Variants in GAP43 observed in about 807,000 individuals in gnomAD.
The protein encoded by GAP43 is neuromodulin.
GAP43 carries 6 observed loss-of-function variants against 18.6 expected under a neutral mutation model. That is an observed-to-expected ratio of 0.32 (90% CI 0.18 to 0.64). GAP43 has a LOEUF of 0.64. Among genes scored for constraint, GAP43 ranks in the 30% least tolerant of loss-of-function variants. GAP43 has a pLI of 0.78. For synonymous variants in GAP43, 115 were observed against 111.4 expected, an observed-to-expected ratio of 1.03 and a Z score of -0.20; for missense variants, 292 against 295.5, an observed-to-expected ratio of 0.99 and a Z score of 0.09.
chr3:115,684,764 T>C (rs1709013049), intron 2 of GAP43, among the ~76,000 whole-genome samples: 1 of 152,168 alleles, frequency 6.6e-6, no homozygotes, highest in Non-Finnish European at 1.5e-5. Flanking sequence ...ATGAAATTTA[T>C]AGTGCCTAAG....
chr3:115,677,166 A>G (rs1034100960), intron 2 of GAP43, among the ~76,000 whole-genome samples: 34 of 152,132 alleles, frequency 2.2e-4, no homozygotes, highest in African/African-American at 7.7e-4. Context: ...GTTGGTGAGT[A>G]GTGTGTGTAT....
chr3:115,719,062 T>C lies in GAP43; in HGVS notation c.629-1732T>C, dbSNP rs527741649. 5.3e-5 allele frequency among the ~76,000 whole-genome samples: 8 copies of C among 152,342 alleles called. No homozygotes were observed. The East Asian group carries it at 1.5e-3, about 29-fold the overall frequency. ...TTCCTAGTTTAATCTCCTCAAAGCA[T>C]AGCTGTATTATGTTCCTTGCTCAAG... is the stretch of plus-strand genomic sequence containing the variant. On this transcript the variant is annotated intron_variant, in intron 2 of 2. Coordinates refer to ENST00000305124, the MANE Select transcript of GAP43 (RefSeq NM_002045.4).
At chr3:115,664,721 C>T (rs1355075299) in intron 1 of GAP43, among the ~76,000 whole-genome samples, 5 of 152,124 alleles carry the variant, frequency 3.3e-5, no homozygotes, top group East Asian at 3.9e-4. Flanking sequence ...GCAGCATGAG[C>T]AACAAGAACA....
intron 1 of GAP43, among the ~76,000 whole-genome samples, chr3:115,670,020 A>T (rs1708796163): frequency 7.9e-6 from 1 of 126,668 alleles, no homozygotes; most frequent in Non-Finnish European, 1.7e-5. Flanking sequence ...TTATACTCTA[A>T]GTTTTAGGGT....
At chr3:115,718,402 C>A (rs1709537841) in intron 2 of GAP43, among the ~76,000 whole-genome samples, 1 of 152,174 alleles carries the variant, frequency 6.6e-6, no homozygotes, top group Non-Finnish European at 1.5e-5. Context: ...AATCTGGAAT[C>A]TTTCTTCTGG....
intron 2 of GAP43, among the ~76,000 whole-genome samples, chr3:115,688,947 T>C (rs1035513878): frequency 6.6e-6 from 1 of 152,246 alleles, no homozygotes; most frequent in African/African-American, 2.4e-5. Context: ...GTCTTAGCTT[T>C]CTGATCAGAT....
At chr3:115,696,300 C>G (rs1194710503) in intron 2 of GAP43, among the ~76,000 whole-genome samples, 1 of 152,076 alleles carries the variant, frequency 6.6e-6, no homozygotes, top group Non-Finnish European at 1.5e-5. Context: ...GATACTTAGG[C>G]CATATGCCTT....
chr3:115,663,537 G>A (rs535689775), intron 1 of GAP43: 1 of 1,259,136 alleles, frequency 7.9e-7, no homozygotes, highest in Non-Finnish European at 1.0e-6. Context: ...AAGGGAACCT[G>A]GTCTCTGGGT....
At chr3:115,685,962 A>T (rs1220256576) in intron 2 of GAP43, among the ~76,000 whole-genome samples, 1 of 152,238 alleles carries the variant, frequency 6.6e-6, no homozygotes, top group Admixed American at 6.5e-5. Flanking sequence ...AGATATCTGC[A>T]GCGGCATGCT....
chr3:115,704,417 C>T (rs1334973180), intron 2 of GAP43, among the ~76,000 whole-genome samples: 2 of 152,040 alleles, frequency 1.3e-5, no homozygotes, highest in African/African-American at 2.4e-5. Flanking sequence ...GCTAACTATT[C>T]AACCTTAGTT....
chr3:115,696,687 AC>A (rs1305398737), intron 2 of GAP43, among the ~76,000 whole-genome samples: 1 of 149,890 alleles, frequency 6.7e-6, no homozygotes, highest in East Asian at 2.0e-4. Context: ...TCACTCTCTA[AC>A]CATCTTCAGC....
chr3:115,648,297 C>A (rs531842510), intron 1 of GAP43, among the ~76,000 whole-genome samples: 1 of 152,020 alleles, frequency 6.6e-6, no homozygotes, highest in Non-Finnish European at 1.5e-5. Flanking sequence ...ATGCTGTCCT[C>A]GCCTCTGAGA....
chr3:115,676,184 A>G lies in GAP43; in HGVS notation c.202A>G (p.Lys68Glu), dbSNP rs1559798400. 3.7e-6 allele frequency: 6 copies of G among 1,614,180 alleles called. No individual in the cohort carries two copies. Among genetic ancestry groups the G allele is most frequent in the Non-Finnish European group, 4.2e-6 (5 of 1,180,026 alleles). ...DVQAAEAEAN[K>E]KDEAPVADGV... Reference sequence around the variant, plus strand: ...CCAAGCTGCTGAGGCTGAAGCTAATAAGAAGGATGAAGCCCCTGTTGCCGA... The same window carrying G: ...CCAAGCTGCTGAGGCTGAAGCTAATGAGAAGGATGAAGCCCCTGTTGCCGA... Residue 68 changes from lysine to glutamate, a missense_variant, in exon 2 of 3, where the codon AAG becomes GAG. By Grantham distance (56) the Lys-to-Glu change is moderately conservative. Transcript: ENST00000305124.
intron 2 of GAP43, among the ~76,000 whole-genome samples, chr3:115,700,641 C>A (rs577717107): frequency 6.6e-6 from 1 of 152,182 alleles, no homozygotes; most frequent in Non-Finnish European, 1.5e-5. Context: ...CTGAAGTTAA[C>A]TTCAGTGAAA....
chr3:115,638,777 A>G (rs754195927), intron 1 of GAP43, among the ~76,000 whole-genome samples: 7 of 151,742 alleles, frequency 4.6e-5, no homozygotes, highest in Admixed American at 2.0e-4. Flanking sequence ...TATTTCCGTG[A>G]TAATAAACAG....
In GAP43 at chr3:115,665,993, TGTGTGTG is replaced by T. The variant is rs1559795776; in HGVS notation, c.31-10019_31-10013del. Among the ~76,000 whole-genome samples, 510 of 139,424 alleles carry T rather than the reference TGTGTGTG, an allele frequency of 3.7e-3. 2 individuals are homozygous for T. Among genetic ancestry groups the T allele is most frequent in the East Asian group, 0.023 (116 of 5,048 alleles). The allele number at this position is 139,424 out of a possible 152,430, so 91.5% of individuals were successfully genotyped here. A position where few individuals can be genotyped will look rare whatever the true frequency, so the allele number is the denominator to read the frequency against. ...ATATGAAATAGTGGCTAAATGAGTG[TGTGTGTG>T]TGTGTGTGTGTGTGTGTGTGTGTGT... On this transcript the variant is annotated intron_variant, in intron 1 of 2. Transcript: ENST00000305124.
In GAP43 at chr3:115,644,357, G is replaced by T. The variant is rs988627843; in HGVS notation, c.30+20638G>T. ...ATAGTTTTTGGACAGGACTATCAGG[G>T]TGATGAATGGGTGAGAGTGGGAGGA... On this transcript the variant is annotated intron_variant, in intron 1 of 2. Transcript: ENST00000305124. This position sits in a 1 kb window ranked among gnomAD's most constrained non-coding sequence, Gnocchi z 4.2. Among the ~76,000 whole-genome samples the T allele has an allele frequency of 1.3e-5, 2 of 151,986 alleles. No individual in the cohort carries two copies. The highest frequency in any genetic ancestry group is 2.9e-5 in the Non-Finnish European group (2 of 67,956).
intron 2 of GAP43, among the ~76,000 whole-genome samples, chr3:115,694,636 G>T (rs1415748665): frequency 6.6e-6 from 1 of 152,198 alleles, no homozygotes; most frequent in Non-Finnish European, 1.5e-5. Flanking sequence ...AGAAGCAAGA[G>T]AACTTAAATG....
chr3:115,667,781 T>C (rs1025953489), intron 1 of GAP43, among the ~76,000 whole-genome samples: 3 of 152,204 alleles, frequency 2.0e-5, no homozygotes, highest in African/African-American at 7.2e-5. Flanking sequence ...CCTGCAGCTC[T>C]TCTTCTGTCT....
Sources: allele counts gnomAD v4.1 joint callset (sites outside exome capture counted in the v4.1 genomes callset), GRCh38; gene constraint gnomAD v4.1.1; non-coding constraint Gnocchi (gnomAD v3.1); transcripts MANE v1.5; gene names NCBI Gene and HGNC (gene_info 2026-07-23, HGNC 2026-07-21).